Variants in MMRN1 observed in about 807,000 individuals in gnomAD.
MMRN1 encodes multimerin 1.
In MMRN1, 94 loss-of-function variants were observed where a neutral mutation model predicts 100.7. The observed-to-expected ratio is 0.93, with a 90% CI of 0.79 to 1.11. MMRN1 has a LOEUF of 1.11. MMRN1 is among the 50% of genes least tolerant of loss of function. The pLI is 0.00. For missense variants in MMRN1, 1,606 were observed against 1,439.1 expected, an observed-to-expected ratio of 1.12 and a Z score of -1.88; for synonymous variants, 575 against 505.0, an observed-to-expected ratio of 1.14 and a Z score of -1.86.
chr4:89,937,209 A>G (rs1296752974), intron 6 of MMRN1, among the ~76,000 whole-genome samples: 1 of 152,122 alleles, frequency 6.6e-6, no homozygotes, highest in East Asian at 1.9e-4. Flanking sequence ...CTGTTGAATG[A>G]TCATCTGACA....
In MMRN1 at chr4:89,885,375, A is replaced by C. The variant is rs534588086; in HGVS notation, c.-249+5773A>C. Among the ~76,000 whole-genome samples, 3 of 152,074 alleles carry C rather than the reference A, an allele frequency of 2.0e-5. No individual in the cohort carries two copies. In the East Asian group the frequency reaches 5.8e-4, roughly 29 times the overall value. ...TATGTCAATGAAAGATACTGGTCTGAAGTTTTGTTTTTCTTGAAATTTTTT... is the reference window on the plus strand; with the variant it reads ...TATGTCAATGAAAGATACTGGTCTGCAGTTTTGTTTTTCTTGAAATTTTTT... On this transcript the variant is annotated intron_variant, in intron 1 of 8. Transcript: ENST00000394980.
chr4:89,884,540 T>C (rs1400933321), intron 1 of MMRN1, among the ~76,000 whole-genome samples: 3 of 152,170 alleles, frequency 2.0e-5, no homozygotes, highest in African/African-American at 4.8e-5. Flanking sequence ...TCCTTTATCA[T>C]GTGAACTTGC....
At chr4:89,914,110 C>T (rs1171046022) in intron 3 of MMRN1, among the ~76,000 whole-genome samples, 1 of 151,290 alleles carries the variant, frequency 6.6e-6, no homozygotes. Flanking sequence ...TATATCTCTC[C>T]TGGGAGGATA....
chr4:89,914,596 G>T (rs1208549410), intron 3 of MMRN1, among the ~76,000 whole-genome samples: 1 of 151,442 alleles, frequency 6.6e-6, no homozygotes, highest in African/African-American at 2.4e-5. Flanking sequence ...TTTTACATTT[G>T]TTATGTCATT....
chr4:89,907,392 G>A (rs1196831462), intron 1 of MMRN1, among the ~76,000 whole-genome samples: 1 of 151,414 alleles, frequency 6.6e-6, no homozygotes, highest in Non-Finnish European at 1.5e-5. Flanking sequence ...ATTAAATCAA[G>A]CAATTAACAT....
intron 1 of MMRN1, among the ~76,000 whole-genome samples, chr4:89,889,416 C>A (rs1005806862): frequency 1.3e-5 from 2 of 152,056 alleles, no homozygotes; most frequent in African/African-American, 4.8e-5. Flanking sequence ...GGATAAGGTC[C>A]CCAGCCCAGT....
At chr4:89,926,372 A>G (rs926850946) in intron 4 of MMRN1, among the ~76,000 whole-genome samples, 5 of 149,876 alleles carry the variant, frequency 3.3e-5, no homozygotes, top group Non-Finnish European at 7.4e-5. Context: ...AGTTTCTCTG[A>G]TGATCAGTTA....
intron 6 of MMRN1, among the ~76,000 whole-genome samples, chr4:89,947,398 T>C (rs1335479763): frequency 6.6e-6 from 1 of 152,236 alleles, no homozygotes; most frequent in Non-Finnish European, 1.5e-5. Flanking sequence ...TGAAATTTGA[T>C]AAGAATGTGG....
In MMRN1 at chr4:89,953,564, A is replaced by G. The variant is rs1291164866; in HGVS notation, c.*146A>G. 5 of 569,202 alleles carry G rather than the reference A, an allele frequency of 8.8e-6. No homozygotes were observed. Among genetic ancestry groups the G allele is most frequent in the Non-Finnish European group, 1.1e-5 (4 of 355,406 alleles). The allele number at this position is 569,202 out of a possible 1,614,324, so 35.3% of individuals were successfully genotyped here. A position where few individuals can be genotyped will look rare whatever the true frequency, so the allele number is the denominator to read the frequency against. On this transcript the variant is annotated 3_prime_UTR_variant, in exon 8 of 8. Coordinates refer to ENST00000264790, the MANE Select transcript of MMRN1 (RefSeq NM_007351.3). ...TTAATATGAGTAAACTTGTATGTCT[A>G]TTTTATAAAATTATTTGAATATTGT...
chr4:89,900,358 A>C (rs1013832290), intron 1 of MMRN1, among the ~76,000 whole-genome samples: 19 of 152,098 alleles, frequency 1.2e-4, no homozygotes, highest in African/African-American at 4.6e-4. Flanking sequence ...ATCTCAAAGG[A>C]AACTTTTTTT....
chr4:89,925,908 C>T (rs1471189290), intron 4 of MMRN1, among the ~76,000 whole-genome samples: 4 of 152,168 alleles, frequency 2.6e-5, no homozygotes, highest in African/African-American at 9.7e-5. Flanking sequence ...CTTTCTGTTC[C>T]TGGCTTATTT....
At chr4:89,916,924 T>C (rs1253717791) in intron 3 of MMRN1, among the ~76,000 whole-genome samples, 1 of 151,822 alleles carries the variant, frequency 6.6e-6, no homozygotes, top group Admixed American at 6.6e-5. Context: ...ATTTGCTTCC[T>C]TTCTATTCTT....
rs1235031760 is a variant in MMRN1 at position 89,912,038 on chromosome 4, T to C, written c.838T>C (p.Cys280Arg). 2 of 1,593,088 alleles carry C rather than the reference T, an allele frequency of 1.3e-6. No homozygotes were observed. Among genetic ancestry groups the C allele is most frequent in the Non-Finnish European group, 1.7e-6 (2 of 1,166,648 alleles). ...CTGTCCTGGATACAGTGGGCCGAAA[T>C]GTCAACTAAGAGGTACACTCTAATA... ...RCCPGYSGPK[C>R]QLRAQEQQSL... The change falls in exon 3 of 8, where the codon TGT (cysteine) becomes CGT (arginine). Residue 280 changes from cysteine to arginine, a missense_variant. Transcript: ENST00000264790.
chr4:89,892,025 CT>C (rs1352041052), upstream of MMRN1, among the ~76,000 whole-genome samples: 4 of 151,562 alleles, frequency 2.6e-5, no homozygotes, highest in African/African-American at 4.8e-5. Context: ...ACTTAATAAT[CT>C]TTTTTTGTTT....
At chr4:89,939,410 G>A (rs1722753939) in intron 6 of MMRN1, among the ~76,000 whole-genome samples, 1 of 152,044 alleles carries the variant, frequency 6.6e-6, no homozygotes, top group South Asian at 2.1e-4. Context: ...TTACTTTGAA[G>A]CCTGATAATA....
In MMRN1 at chr4:89,953,287, G is replaced by T. The variant is rs764890579; in HGVS notation, c.3556G>T (p.Val1186Phe). Reference sequence around the variant, plus strand: ...TAACAGTGAAATACACTGTGATAGGGTTTTAACTGGGGATGCCTTATTAGA... The same window carrying T: ...TAACAGTGAAATACACTGTGATAGGTTTTTAACTGGGGATGCCTTATTAGA... The part of the protein sequence containing the change: ...NINSEIHCDR[V>F]LTGDALLELN... The change falls in exon 8 of 8, where the codon GTT becomes TTT. Residue 1186 changes from valine (V) to phenylalanine (F), a missense_variant. Val to Phe is a conservative substitution (Grantham distance 50). Transcript: ENST00000264790. 1.9e-6 allele frequency: 3 copies of T among 1,613,860 alleles called. No individual in the cohort carries two copies. Among genetic ancestry groups the T allele is most frequent in the Non-Finnish European group, 2.5e-6 (3 of 1,179,852 alleles).
At chr4:89,929,084 A>G (rs1336195297) in intron 5 of MMRN1, among the ~76,000 whole-genome samples, 1 of 152,130 alleles carries the variant, frequency 6.6e-6, no homozygotes, top group East Asian at 1.9e-4. Flanking sequence ...AACCATGCAG[A>G]AAGGTTTCGG....
At chr4:89,941,943 A>T (rs1015108556) in intron 6 of MMRN1, among the ~76,000 whole-genome samples, 1 of 152,178 alleles carries the variant, frequency 6.6e-6, no homozygotes, top group Non-Finnish European at 1.5e-5. Context: ...TTTCCATATG[A>T]TTCCCTTCAT....
chr4:89,907,526 T>A (rs892884059), intron 1 of MMRN1, among the ~76,000 whole-genome samples: 3 of 151,392 alleles, frequency 2.0e-5, no homozygotes, highest in African/African-American at 2.4e-5. Flanking sequence ...TTGATTTTTT[T>A]AAAAAACAAT....
Sources: allele counts gnomAD v4.1 joint callset (sites outside exome capture counted in the v4.1 genomes callset), GRCh38; gene constraint gnomAD v4.1.1; transcripts MANE v1.5; gene names NCBI Gene and HGNC (gene_info 2026-07-23, HGNC 2026-07-21).